Variants in ARHGAP8 observed in about 807,000 individuals in gnomAD.
ARHGAP8 encodes Rho GTPase activating protein 8, also known as rho GTPase-activating protein 8.
A neutral mutation model predicts 46.1 loss-of-function variants in ARHGAP8; 62 were observed. The observed-to-expected ratio is 1.34, with a 90% CI of 1.10 to 1.66. The LOEUF (loss-of-function observed/expected upper bound fraction) is 1.66. Among genes scored for constraint, ARHGAP8 ranks in the 40% most tolerant of loss-of-function variants. ARHGAP8 has a pLI of 0.00. For missense variants in ARHGAP8, 923 were observed against 568.4 expected (o/e 1.62, Z -6.34); for synonymous variants, 375 against 243.1 (o/e 1.54, Z -5.05).
At chr22:44,849,950 C>G (rs1312252224) in intron 10 of ARHGAP8, 1 of 152,120 alleles carries the variant, frequency 6.6e-6, no homozygotes, top group African/African-American at 2.4e-5. Context: ...CATCAGGGGC[C>G]CTGATGGTTT....
At chr22:44,828,464 T>C (rs1355691814) in intron 7 of ARHGAP8, among the ~76,000 whole-genome samples, 2 of 148,910 alleles carry the variant, frequency 1.3e-5, no homozygotes, top group South Asian at 2.2e-4. Context: ...ACAATTTTTT[T>C]TTTGAAATGG....
At chr22:44,772,741 G>T (rs565216216) in intron 1 of ARHGAP8, among the ~76,000 whole-genome samples, 47 of 150,720 alleles carry the variant, frequency 3.1e-4, no homozygotes, top group African/African-American at 1.1e-3. Context: ...AGTTAGTGGA[G>T]AATTGGTATT....
chr22:44,824,851 T>C (rs1930397748), intron 6 of ARHGAP8, among the ~76,000 whole-genome samples: 1 of 151,938 alleles, frequency 6.6e-6, no homozygotes, highest in Admixed American at 6.6e-5. Context: ...CGGGCTGGTC[T>C]CAAACTCCTA....
intron 10 of ARHGAP8, among the ~76,000 whole-genome samples, chr22:44,858,182 GTGTT>G (rs1305225148): frequency 6.6e-6 from 1 of 152,210 alleles, no homozygotes; most frequent in Non-Finnish European, 1.5e-5. Flanking sequence ...CTGGCAGTGG[GTGTT>G]TGTAGAGCAC....
At chr22:44,766,494 ACGTGTGTCTCTGTGCATGTCTGTGTG>A (rs1925579722) in intron 1 of ARHGAP8, among the ~76,000 whole-genome samples, 1 of 150,994 alleles carries the variant, frequency 6.6e-6, no homozygotes, top group Non-Finnish European at 1.5e-5. Context: ...GTCTCTGTGT[ACGTGTGTCTCTGTGCATGTCTGTGTG>A]CGTGTGTCTG....
In ARHGAP8 at chr22:44,861,782, G is replaced by C. The variant is rs190131502; in HGVS notation, c.982-493G>C. ...TAAGATGGGGAGTAATGACTCCCCC[G>C]TGCTGGGGTTGCACGTGTTGGCGGA... On this transcript the variant is annotated intron_variant, in intron 11 of 11. Transcript: ENST00000356099. Among the ~76,000 whole-genome samples the C allele has an allele frequency of 9.9e-5, 15 of 152,254 alleles. No individual in the cohort carries two copies. In the East Asian group the frequency reaches 2.3e-3, roughly 24 times the overall value.
intron 1 of ARHGAP8, among the ~76,000 whole-genome samples, chr22:44,764,380 G>T (rs959556533): frequency 1.3e-5 from 2 of 152,220 alleles, no homozygotes; most frequent in African/African-American, 2.4e-5. Context: ...GCAAAGACAG[G>T]CCTGAGAGTG....
chr22:44,823,582 T>C lies in ARHGAP8; in HGVS notation c.485+1113T>C, dbSNP rs554642911. 3.4e-4 allele frequency among the ~76,000 whole-genome samples: 52 copies of C among 152,094 alleles called. No individual in the cohort carries two copies. The South Asian group carries it at 9.8e-3, about 29-fold the overall frequency. On this transcript the variant is annotated intron_variant, in intron 6 of 11. Coordinates refer to ENST00000356099, the MANE Select transcript of ARHGAP8 (RefSeq NM_181335.3). ...GGACCTGGAGGCCATGAGAGGATGA[T>C]GGGAATCCCTGGTCGCCCGTGGGCC...
chr22:44,846,199 C>T (rs1158532668), intron 8 of ARHGAP8, among the ~76,000 whole-genome samples: 1 of 152,242 alleles, frequency 6.6e-6, no homozygotes, highest in Non-Finnish European at 1.5e-5. Flanking sequence ...TTGGCTGCTG[C>T]CGTTTCTCAC....
Position 44,822,372 on chromosome 22 carries a change from C to A in ARHGAP8, c.388C>A (p.His130Asn), listed in dbSNP as rs760068940. 1 of 1,580,134 alleles carries A rather than the reference C, an allele frequency of 6.3e-7. No homozygotes were observed. The highest frequency in any genetic ancestry group is 1.2e-5 in the South Asian group (1 of 84,230). The change falls in exon 6 of 12, where the codon CAC (histidine) becomes AAC (asparagine). Residue 130 changes from histidine to asparagine, a missense_variant and splice_region_variant. Physicochemically the swap from His to Asn is moderately conservative, Grantham distance 68. Transcript: ENST00000356099. ...LWNILKPLIS[H>N]KFGKKVIYFN... is the part of the protein sequence containing the mutation. ...ATTCTCTTGCTTCTGCTTTCTTAGTCACAAGTTTGGGAAGAAAGTCATCTA... is the reference window on the plus strand; with the variant it reads ...ATTCTCTTGCTTCTGCTTTCTTAGTAACAAGTTTGGGAAGAAAGTCATCTA...
rs1361390281 is a variant in ARHGAP8, at chr22:44,824,422, G to T, written c.486-1061G>T. ...CTTCTCCGCAGACCTTTCCTGCATT[G>T]TCGGGTGCCTAACCCTGCACCATCT... On this transcript the variant is annotated intron_variant, in intron 6 of 11. Transcript: ENST00000356099. 2.0e-5 allele frequency among the ~76,000 whole-genome samples: 3 copies of T among 152,124 alleles called. No individual in the cohort carries two copies. The East Asian group carries it at 5.8e-4, about 29-fold the overall frequency.
rs79492138 is a variant in ARHGAP8, at chr22:44,833,487, T to G, written c.596+7894T>G. 8.0e-3 allele frequency among the ~76,000 whole-genome samples: 1,219 copies of G among 152,312 alleles called. 18 individuals carry two copies. The highest frequency in any genetic ancestry group is 0.027 in the African/African-American group (1,139 of 41,576). On this transcript the variant is annotated intron_variant, in intron 7 of 11. Transcript: ENST00000356099. ...TATTATATTGATTGATTTTTACATG[T>G]TGAATAAACCTTGTATTCCTGGGAT...
chr22:44,843,154 T>C (rs1162609078), intron 7 of ARHGAP8, among the ~76,000 whole-genome samples: 1 of 152,188 alleles, frequency 6.6e-6, no homozygotes, highest in East Asian at 1.9e-4. Context: ...ATGAAGTGGG[T>C]AACAGTAGCC....
intron 11 of ARHGAP8, among the ~76,000 whole-genome samples, chr22:44,861,650 A>C (rs879890237): frequency 3.9e-5 from 6 of 152,164 alleles, no homozygotes; most frequent in African/African-American, 1.4e-4. Context: ...CAAGGAGCAG[A>C]GAACAGGCCC....
rs1422468227 is a variant in ARHGAP8 at position 44,822,445 on chromosome 22, T to A, written c.461T>A (p.Leu154Gln). ...CACGAACACCTTAAATACGACCAGCTGGTCATCCCTCCCGAAGTTTTGCGG... is the reference window on the plus strand; with the variant it reads ...CACGAACACCTTAAATACGACCAGCAGGTCATCCCTCCCGAAGTTTTGCGG... ...ELHEHLKYDQ[L>Q]VIPPEVLRYD... Residue 154 changes from leucine (L) to glutamine (Q), a missense_variant, in exon 6 of 12, where the codon CTG becomes CAG. Leu to Gln is a moderately radical substitution (Grantham distance 113, BLOSUM62 -2). Coordinates refer to ENST00000356099, the MANE Select transcript of ARHGAP8 (RefSeq NM_181335.3). The A allele has an allele frequency of 1.3e-6, 2 of 1,562,870 alleles. No individual in the cohort carries two copies. The highest frequency in any genetic ancestry group is 1.7e-6 in the Non-Finnish European group (2 of 1,163,006).
intron 1 of ARHGAP8, among the ~76,000 whole-genome samples, chr22:44,775,217 C>G (rs910847349): frequency 6.6e-6 from 1 of 152,212 alleles, no homozygotes; most frequent in African/African-American, 2.4e-5. Flanking sequence ...AATGAGCACT[C>G]TGAATTTTTC....
intron 1 of ARHGAP8, chr22:44,765,931 C>T (rs1054664703): frequency 6.6e-6 from 1 of 152,348 alleles, no homozygotes; most frequent in Non-Finnish European, 1.5e-5. Flanking sequence ...CTCCTGTGCC[C>T]CTCTCCAGGC....
At chr22:44,845,144 C>G (rs1336381409) in intron 7 of ARHGAP8, 125 bp from the exon 8 acceptor site, 2 of 1,169,418 alleles carry the variant, frequency 1.7e-6, no homozygotes, top group East Asian at 2.5e-5. Flanking sequence ...GCCTACCTCT[C>G]TCTTCCTGGA....
chr22:44,753,463 C>T (rs1376667365), intron 1 of ARHGAP8, among the ~76,000 whole-genome samples: 4 of 152,054 alleles, frequency 2.6e-5, no homozygotes, highest in Non-Finnish European at 4.4e-5. Flanking sequence ...TCAGGTGATC[C>T]GTCTTCCTGG....
Sources: allele counts gnomAD v4.1 joint callset (sites outside exome capture counted in the v4.1 genomes callset), GRCh38; gene constraint gnomAD v4.1.1; transcripts MANE v1.5; gene names NCBI Gene and HGNC (gene_info 2026-07-23, HGNC 2026-07-21).